Variants in KLC1 observed in about 807,000 individuals in gnomAD.
KLC1 encodes kinesin light chain 1, also known as kinesin 2 60/70kDa.
In KLC1, 30 loss-of-function variants were observed where a neutral mutation model predicts 84.2. That is an observed-to-expected ratio of 0.36 (90% CI 0.27 to 0.48). The LOEUF (loss-of-function observed/expected upper bound fraction) is 0.48. KLC1 is among the 20% of genes least tolerant of loss of function. The pLI, the probability that KLC1 is intolerant of heterozygous loss-of-function variation, is 0.99. For synonymous variants in KLC1, 289 were observed against 293.3 expected, an observed-to-expected ratio of 0.99 and a Z score of 0.15; for missense variants, 499 against 805.4, an observed-to-expected ratio of 0.62 and a Z score of 4.60.
chr14:103,649,258 C>T (rs1434611379), intron 1 of KLC1, among the ~76,000 whole-genome samples: 1 of 152,016 alleles, frequency 6.6e-6, no homozygotes, highest in East Asian at 1.9e-4. Flanking sequence ...ATAGCAAGAC[C>T]CCATCTCTAA....
In KLC1 at chr14:103,698,653, A is replaced by G. The variant is rs3212116; in HGVS notation, c.1849-2002A>G. On this transcript the variant is annotated intron_variant, in intron 15 of 16. Coordinates refer to ENST00000334553, the MANE Select transcript of KLC1 (RefSeq NM_001394837.1). ...GTCAGTCTGTGGCCACCATCTTCGGATGAGAAAGTGGAGCCGCTGCCCTGG... is the reference window on the plus strand; with the variant it reads ...GTCAGTCTGTGGCCACCATCTTCGGGTGAGAAAGTGGAGCCGCTGCCCTGG... 4.3e-4 allele frequency: 322 copies of G among 747,998 alleles called. 2 individuals are homozygous for G. Among genetic ancestry groups the G allele is most frequent in the African/African-American group, 3.8e-3 (220 of 57,594 alleles). 46.3% of individuals were successfully genotyped at this position (747,998 alleles called of 1,614,324 possible).
chr14:103,668,877 A>T (rs2080129658), intron 5 of KLC1, among the ~76,000 whole-genome samples: 1 of 151,840 alleles, frequency 6.6e-6, no homozygotes, highest in Non-Finnish European at 1.5e-5. Context: ...TCCCAGGTTC[A>T]CGCCATTCTC....
chr14:103,665,501 C>G (rs2079696622), intron 5 of KLC1, among the ~76,000 whole-genome samples: 1 of 152,130 alleles, frequency 6.6e-6, no homozygotes, highest in Non-Finnish European at 1.5e-5. Context: ...GTGGAGTGAT[C>G]TCAGCTCACT....
chr14:103,676,845 A>G lies in KLC1; in HGVS notation c.1380-570A>G, dbSNP rs141019851. ...GAATGCAGAAACATCAAGCTCAATG[A>G]TACAGTTTGAAAAATAAGAAAGAAA... On this transcript the variant is annotated intron_variant, in intron 11 of 16. Coordinates refer to ENST00000334553, the MANE Select transcript of KLC1 (RefSeq NM_001394837.1). Among the ~76,000 whole-genome samples, 47 of 152,230 alleles carry G rather than the reference A, an allele frequency of 3.1e-4. 1 individual carries two copies. The East Asian group carries it at 9.1e-3, about 29-fold the overall frequency.
At chr14:103,654,896 C>T in intron 2 of KLC1, 71 bp downstream of exon 2, 1 of 1,483,588 alleles carries the variant, frequency 6.7e-7, no homozygotes, top group Non-Finnish European at 9.2e-7. Flanking sequence ...TTGAAATAAG[C>T]AGTTTCACTA....
intron 4 of KLC1, 63 bp downstream of exon 4, chr14:103,662,257 C>T (rs377606968): frequency 8.4e-6 from 11 of 1,306,272 alleles, no homozygotes; most frequent in African/African-American, 4.4e-5. Context: ...TCCTAGAACA[C>T]GGTCATAGCA....
At chr14:103,686,250 T>G in intron 13 of KLC1, 1 of 984,626 alleles carries the variant, frequency 1.0e-6, no homozygotes, top group Non-Finnish European at 1.2e-6. Context: ...TCTGTCTGCT[T>G]GGTAGAACTT....
intron 1 of KLC1, among the ~76,000 whole-genome samples, chr14:103,631,855 T>C (rs2076713611): frequency 6.6e-6 from 1 of 151,988 alleles, no homozygotes; most frequent in African/African-American, 2.4e-5. Flanking sequence ...CGCCTCAGCC[T>C]CCCAAAGTGC....
intron 3 of KLC1, among the ~76,000 whole-genome samples, chr14:103,658,062 C>T (rs1394988088): frequency 1.3e-5 from 2 of 152,158 alleles, no homozygotes; most frequent in African/African-American, 2.4e-5. Context: ...AGCAGTGGTC[C>T]AATCTGGCCG....
intron 15 of KLC1, among the ~76,000 whole-genome samples, 193 bp downstream of exon 15, chr14:103,692,618 T>TG (rs2082185763): frequency 6.6e-6 from 1 of 152,224 alleles, no homozygotes; most frequent in Non-Finnish European, 1.5e-5. Context: ...ATGTGAATTA[T>TG]GGGCATGTTC....
At chr14:103,689,743 CAG>C (rs1398550746) in intron 14 of KLC1, among the ~76,000 whole-genome samples, 5 of 152,208 alleles carry the variant, frequency 3.3e-5, no homozygotes, top group African/African-American at 9.6e-5. Flanking sequence ...TGACTCCTAA[CAG>C]TGACTGTACT....
chr14:103,696,092 G>A (rs1346337251), intron 15 of KLC1: 5 of 762,930 alleles, frequency 6.6e-6, no homozygotes, highest in Non-Finnish European at 4.5e-6. Flanking sequence ...TAATCACTGC[G>A]CCCCCGCCCC....
chr14:103,684,977 A>G (rs2081662247), intron 13 of KLC1: 1 of 992,912 alleles, frequency 1.0e-6, no homozygotes, highest in African/African-American at 1.6e-5. Context: ...TTATTTTTCC[A>G]TTTTAAAGAT....
chr14:103,638,911 G>A (rs2077271107), intron 1 of KLC1, among the ~76,000 whole-genome samples: 1 of 152,098 alleles, frequency 6.6e-6, no homozygotes, highest in Admixed American at 6.6e-5. Context: ...GTGTGTGTGT[G>A]TGTGTGCGTG....
intron 15 of KLC1, chr14:103,696,695 T>C: frequency 1.0e-6 from 1 of 985,514 alleles, no homozygotes; most frequent in Non-Finnish European, 1.2e-6. Flanking sequence ...AGACGTGTAT[T>C]CTGTTTACAA....
intron 1 of KLC1, among the ~76,000 whole-genome samples, chr14:103,636,874 C>T (rs1335186258): frequency 6.6e-6 from 1 of 151,786 alleles, no homozygotes; most frequent in Non-Finnish European, 1.5e-5. Flanking sequence ...AGGCGCCTGC[C>T]ACCACGCCCA....
intron 1 of KLC1, among the ~76,000 whole-genome samples, chr14:103,649,434 A>G (rs1432798517): frequency 6.6e-6 from 1 of 151,978 alleles, no homozygotes; most frequent in African/African-American, 2.4e-5. Context: ...GACACAGTAC[A>G]TAATTTGTTA....
chr14:103,685,762 C>G, intron 13 of KLC1: 13 of 1,277,528 alleles, frequency 1.0e-5, no homozygotes, highest in African/African-American at 1.5e-5. Context: ...AGAGCTGCAC[C>G]TCTCTGTGAA....
intron 14 of KLC1, among the ~76,000 whole-genome samples, chr14:103,690,180 C>CA (rs57400682): frequency 0.014 from 1,643 of 114,828 alleles, 11 homozygotes; most frequent in East Asian, 0.027. Context: ...AACTTCGTCT[C>CA]AAAAAAAAAA....
Sources: allele counts gnomAD v4.1 joint callset (sites outside exome capture counted in the v4.1 genomes callset), GRCh38; gene constraint gnomAD v4.1.1; transcripts MANE v1.5; gene names NCBI Gene and HGNC (gene_info 2026-07-23, HGNC 2026-07-21).